PMP22: variants seen among roughly 807,000 people sequenced by gnomAD.
PMP22 encodes the protein peripheral myelin protein 22, also known as Charcot-Marie-Tooth neuropathy 1A (greatly reduced nerve conduction velocity, hereditary motor sensory neuropathy Ia).
PMP22 carries 2 observed loss-of-function variants against 18.9 expected under a neutral mutation model. The ratio of observed to expected loss-of-function variants is 0.11; its 90% CI spans 0.04 to 0.33. The LOEUF is 0.33. Among genes scored for constraint, PMP22 ranks in the 10% least tolerant of loss-of-function variants. The pLI, the probability that PMP22 is intolerant of heterozygous loss-of-function variation, is 1.00. For missense variants in PMP22, 169 were observed against 202.2 expected (o/e 0.84, Z 1.00); for synonymous variants, 95 against 89.2 (o/e 1.07, Z -0.37).
chr17:15,247,233 G>A (rs1907910928), intron 3 of PMP22, among the ~76,000 whole-genome samples: 2 of 152,078 alleles, frequency 1.3e-5, no homozygotes, highest in Non-Finnish European at 2.9e-5. Flanking sequence ...GCTGGGCGTG[G>A]TGGCGGGCAC....
At chr17:15,244,892 C>T (rs78097254) in intron 3 of PMP22, among the ~76,000 whole-genome samples, 7,945 of 152,208 alleles carry the variant, frequency 0.052, 678 homozygotes, top group African/African-American at 0.18. Context: ...ACTTGTATTA[C>T]TTAAATAATT....
rs1023923800 is a variant in PMP22 at position 15,230,586 on chromosome 17, A to G, written c.*331T>C. 7.2e-6 allele frequency: 2 copies of G among 279,426 alleles called. No individual in the cohort carries two copies. Among genetic ancestry groups the G allele is most frequent in the African/African-American group, 4.4e-5 (2 of 45,598 alleles). The allele number at this position is 279,426 out of a possible 1,614,324, so 17.3% of individuals were successfully genotyped here. On this transcript the variant is annotated 3_prime_UTR_variant, in exon 5 of 5. Transcript: ENST00000312280. ...CTGGGTAAAACAAAACAAACAAACA[A>G]AAAACAAAACAAAAATACTGAGCTG...
intron 4 of PMP22, 72 bp downstream of exon 4, chr17:15,239,396 CCTT>C: frequency 6.6e-7 from 1 of 1,521,968 alleles, no homozygotes; most frequent in Non-Finnish European, 9.1e-7. Context: ...GAGGCCACAT[CCTT>C]CTACTAAACT....
chr17:15,234,503 T>C (rs1906623198), intron 4 of PMP22, among the ~76,000 whole-genome samples: 1 of 152,020 alleles, frequency 6.6e-6, no homozygotes, highest in African/African-American at 2.4e-5. Flanking sequence ...TTTTTCTCCC[T>C]CCCACTTCAT....
intron 4 of PMP22, among the ~76,000 whole-genome samples, chr17:15,236,956 T>C (rs1010190090): frequency 3.9e-5 from 6 of 152,220 alleles, no homozygotes; most frequent in Non-Finnish European, 8.8e-5. Flanking sequence ...CAACTGCTAT[T>C]ACAGCTCAGC....
chr17:15,250,009 G>A (rs1908186106), intron 3 of PMP22, among the ~76,000 whole-genome samples: 2 of 152,110 alleles, frequency 1.3e-5, no homozygotes, highest in South Asian at 2.1e-4. Flanking sequence ...TCCGCCTCCC[G>A]GGTTCACGCC....
chr17:15,248,998 G>A (rs1470133800), intron 3 of PMP22, among the ~76,000 whole-genome samples: 10 of 152,148 alleles, frequency 6.6e-5, no homozygotes, highest in Non-Finnish European at 1.5e-5. Context: ...TCAGGTTTAG[G>A]AGGAATTCTC....
chr17:15,239,770 C>G (rs1463501130), intron 3 of PMP22, among the ~76,000 whole-genome samples, 159 bp from the exon 4 acceptor site: 1 of 152,196 alleles, frequency 6.6e-6, no homozygotes. Context: ...AGACAATTCA[C>G]TTTTGCAATC....
chr17:15,263,973 C>G (rs1463342872), intron 1 of PMP22, among the ~76,000 whole-genome samples: 1 of 152,150 alleles, frequency 6.6e-6, no homozygotes, highest in African/African-American at 2.4e-5. Context: ...GGCAATTTCT[C>G]AAGTTCACTG....
At chr17:15,245,360 C>G (rs1164397862) in intron 3 of PMP22, among the ~76,000 whole-genome samples, 2 of 152,106 alleles carry the variant, frequency 1.3e-5, no homozygotes, top group African/African-American at 4.8e-5. Context: ...GGTAAGGGTC[C>G]CGTGTGAGCA....
At chr17:15,246,712 T>C (rs558298346) in intron 3 of PMP22, among the ~76,000 whole-genome samples, 120 of 152,290 alleles carry the variant, frequency 7.9e-4, no homozygotes, top group Middle Eastern at 3.4e-3. Context: ...CTGCTAAACA[T>C]TTGTGGAGTT....
At chr17:15,263,416 G>C (rs1158426289) in intron 1 of PMP22, among the ~76,000 whole-genome samples, 1 of 152,130 alleles carries the variant, frequency 6.6e-6, no homozygotes, top group Admixed American at 6.5e-5. Context: ...AACGTGGCCC[G>C]CCCAGCGTTA....
intron 3 of PMP22, among the ~76,000 whole-genome samples, chr17:15,249,538 T>A (rs891970837): frequency 2.6e-5 from 4 of 152,154 alleles, no homozygotes; most frequent in Middle Eastern, 3.4e-3. Flanking sequence ...CCACAAAAAC[T>A]AGAGAGGGTG....
chr17:15,237,820 T>C (rs1294079450), intron 4 of PMP22, among the ~76,000 whole-genome samples: 1 of 152,198 alleles, frequency 6.6e-6, no homozygotes, highest in Non-Finnish European at 1.5e-5. Context: ...ATAACAAGGT[T>C]TGAGCGAGGC....
intron 3 of PMP22, among the ~76,000 whole-genome samples, chr17:15,248,136 T>G (rs1458429801): frequency 6.6e-6 from 1 of 152,240 alleles, no homozygotes; most frequent in Admixed American, 6.5e-5. Context: ...TCTTGCCCCC[T>G]GGGCTTCAAC....
chr17:15,258,870 G>A lies in PMP22; in HGVS notation c.178+224C>T. 2 of 608,148 alleles carry A rather than the reference G, an allele frequency of 3.3e-6. No individual in the cohort carries two copies. The highest frequency in any genetic ancestry group is 1.8e-5 in the South Asian group (1 of 55,364). 37.7% of individuals were successfully genotyped at this position (608,148 alleles called of 1,614,324 possible). On this transcript the variant is annotated intron_variant, in intron 3 of 4. Coordinates refer to ENST00000312280, the MANE Select transcript of PMP22 (RefSeq NM_000304.4). This position sits in a 1 kb window ranked among gnomAD's most constrained non-coding sequence, Gnocchi z 4.1. ...GTGATCAGGAGGGCACTAAGGGCAT[G>A]TCTCTAGGTAGAGTGAATCACAATG...
chr17:15,239,754 G>A (rs1907152855), intron 3 of PMP22, 143 bp from the exon 4 acceptor site: 4 of 720,764 alleles, frequency 5.5e-6, no homozygotes, highest in South Asian at 5.0e-5. Context: ...TTCCTTAGCA[G>A]AACTCAGACA....
intron 3 of PMP22, among the ~76,000 whole-genome samples, chr17:15,244,624 GA>G (rs1291832159): frequency 6.6e-6 from 1 of 152,130 alleles, no homozygotes; most frequent in Non-Finnish European, 1.5e-5. Flanking sequence ...TCATGAGTTA[GA>G]AAATGAAGAG....
chr17:15,234,432 GA>G (rs748482414), intron 4 of PMP22, among the ~76,000 whole-genome samples: 48 of 152,328 alleles, frequency 3.2e-4, no homozygotes, highest in Non-Finnish European at 5.9e-4. Flanking sequence ...GGATGTCAGT[GA>G]GACCACCAGG....
Sources: gnomAD v4.1 joint callset for allele counts (sites outside exome capture counted in the v4.1 genomes callset) on GRCh38, gnomAD v4.1.1 for gene constraint, Gnocchi (gnomAD v3.1) non-coding constraint, MANE v1.5 for transcripts, NCBI Gene and HGNC (gene_info 2026-07-23, HGNC 2026-07-21) for gene names.